The following NT5C2 variants were observed in gnomAD, a reference collection of about 807,000 sequenced individuals.
The protein encoded by NT5C2 is cytosolic purine 5'-nucleotidase.
NT5C2 carries 58 observed loss-of-function variants against 76.1 expected under a neutral mutation model. That is an observed-to-expected ratio of 0.76 (90% confidence interval 0.62 to 0.95). NT5C2 has a LOEUF of 0.95. Ranked by LOEUF, NT5C2 falls within the 40% of genes least tolerant of loss-of-function variation. The pLI is 0.00. For missense variants in NT5C2, 478 were observed against 690.3 expected (o/e 0.69, Z 3.45); for synonymous variants, 229 against 237.4 (o/e 0.96, Z 0.32).
intron 10 of NT5C2, 39 bp from the exon 11 acceptor site, chr10:103,097,413 T>C: frequency 4.0e-6 from 6 of 1,518,222 alleles, no homozygotes; most frequent in Non-Finnish European, 5.5e-6. Flanking sequence ...CACGAAAACA[T>C]TTTTATCTTT....
intron 3 of NT5C2, among the ~76,000 whole-genome samples, chr10:103,160,992 C>A (rs936601819): frequency 1.3e-5 from 2 of 151,802 alleles, no homozygotes; most frequent in African/African-American, 4.8e-5. Context: ...AGCCTGGCGA[C>A]AGCAAGACTC....
At chr10:103,140,976 CT>C (rs938167090) in intron 3 of NT5C2, among the ~76,000 whole-genome samples, 2 of 152,110 alleles carry the variant, frequency 1.3e-5, no homozygotes, top group African/African-American at 4.8e-5. Context: ...CATAGGCTGC[CT>C]TTTTGTTTCT....
intron 3 of NT5C2, among the ~76,000 whole-genome samples, chr10:103,163,488 C>G (rs1460889848): frequency 6.6e-6 from 1 of 152,076 alleles, no homozygotes; most frequent in African/African-American, 2.4e-5. Flanking sequence ...GGCATATATA[C>G]AGTTGCTTTA....
intron 3 of NT5C2, among the ~76,000 whole-genome samples, chr10:103,171,118 A>C (rs557795356): frequency 3.3e-5 from 5 of 152,260 alleles, no homozygotes; most frequent in Non-Finnish European, 5.9e-5. Context: ...AGGAATCTTT[A>C]ATGTTTTCAC....
At chr10:103,134,226 G>T (rs908991846) in intron 4 of NT5C2, among the ~76,000 whole-genome samples, 6 of 152,040 alleles carry the variant, frequency 3.9e-5, no homozygotes, top group Admixed American at 2.0e-4. Flanking sequence ...TGTCTCCAGG[G>T]CATGTCAGAA....
chr10:103,105,060 CAA>C (rs560199874), intron 6 of NT5C2, among the ~76,000 whole-genome samples: 72 of 151,830 alleles, frequency 4.7e-4, no homozygotes, highest in Non-Finnish European at 9.1e-4. Flanking sequence ...GGACATTTCA[CAA>C]AAAAATAGTA....
intron 3 of NT5C2, among the ~76,000 whole-genome samples, chr10:103,167,565 C>CT: frequency 6.6e-6 from 1 of 152,112 alleles, no homozygotes; most frequent in South Asian, 2.1e-4. Context: ...CTGGCAGTCT[C>CT]TATCTACATA....
intron 16 of NT5C2, 23 bp from the exon 17 acceptor site, chr10:103,091,019 G>GTGAA: frequency 6.2e-7 from 1 of 1,606,556 alleles, no homozygotes; most frequent in Non-Finnish European, 8.5e-7. Context: ...GAAAAACTCA[G>GTGAA]TGAAAATCTC....
intron 2 of NT5C2, chr10:103,175,880 C>T (rs2089795205): frequency 6.3e-6 from 1 of 157,982 alleles, no homozygotes; most frequent in African/African-American, 2.4e-5. Context: ...GGCAGTTCTT[C>T]TGCCTCTCAG....
chr10:103,161,454 T>C (rs1273388968), intron 3 of NT5C2, among the ~76,000 whole-genome samples: 1 of 152,186 alleles, frequency 6.6e-6, no homozygotes, highest in Admixed American at 6.5e-5. Flanking sequence ...AGTGCTGGGA[T>C]TACAGGCATC....
chr10:103,094,632 C>T, intron 12 of NT5C2, 177 bp from the exon 13 acceptor site: 1 of 551,370 alleles, frequency 1.8e-6, no homozygotes, highest in Admixed American at 3.1e-5. Flanking sequence ...ACCTGTAATC[C>T]CAGTACTTTG....
At chr10:103,099,782 T>C (rs2069089883) in intron 9 of NT5C2, 144 bp downstream of exon 9, 2 of 540,892 alleles carry the variant, frequency 3.7e-6, no homozygotes, top group Admixed American at 3.2e-5. Flanking sequence ...AACAAATGTA[T>C]TCTAGAGGGC....
At chr10:103,168,576 C>T (rs1015620604) in intron 3 of NT5C2, among the ~76,000 whole-genome samples, 3 of 152,188 alleles carry the variant, frequency 2.0e-5, no homozygotes, top group African/African-American at 7.2e-5. Flanking sequence ...AGCAGCTCAG[C>T]TTGTCTTCTA....
intron 1 of NT5C2, among the ~76,000 whole-genome samples, chr10:103,183,258 G>T (rs1358351769): frequency 2.1e-5 from 1 of 48,520 alleles, no homozygotes; most frequent in Non-Finnish European, 3.6e-5. Flanking sequence ...ATATGTGTGT[G>T]TGTGATATAT....
rs937160599 is a variant in NT5C2, at chr10:103,142,153, G to C, written c.102-2674C>G. On this transcript the variant is annotated intron_variant, in intron 3 of 18. Coordinates refer to ENST00000404739, the MANE Select transcript of NT5C2 (RefSeq NM_001351169.2). ...AAGAGGTTTTCCAGGGGGCAAGGAT[G>C]GGGGAAGGAGCAATAAAAGCTATGA... Among the ~76,000 whole-genome samples the C allele has an allele frequency of 2.6e-5, 4 of 151,800 alleles. No individual in the cohort carries two copies. In the South Asian group the frequency reaches 8.3e-4, roughly 32 times the overall value.
At chr10:103,183,072 G>C (rs1448587214) in intron 1 of NT5C2, among the ~76,000 whole-genome samples, 1 of 151,836 alleles carries the variant, frequency 6.6e-6, no homozygotes, top group African/African-American at 2.4e-5. Flanking sequence ...AAAGTCAGAT[G>C]CAAGTTTACT....
intron 3 of NT5C2, among the ~76,000 whole-genome samples, chr10:103,144,360 GAAGA>G (rs1207911918): frequency 6.6e-6 from 1 of 152,192 alleles, no homozygotes; most frequent in Non-Finnish European, 1.5e-5. Flanking sequence ...TACTCTCATA[GAAGA>G]AAGATGCTAG....
intron 3 of NT5C2, among the ~76,000 whole-genome samples, chr10:103,174,068 C>A (rs1057273987): frequency 1.9e-4 from 29 of 149,822 alleles, no homozygotes; most frequent in African/African-American, 6.7e-4. Context: ...TGCATTCCAG[C>A]CTAGGCGACA....
At chr10:103,165,889 C>T (rs2086250686) in intron 3 of NT5C2, among the ~76,000 whole-genome samples, 1 of 152,068 alleles carries the variant, frequency 6.6e-6, no homozygotes, top group Non-Finnish European at 1.5e-5. Context: ...AGGCTAGTCT[C>T]GAACTCCCAA....
Sources: gnomAD v4.1 joint callset for allele counts (sites outside exome capture counted in the v4.1 genomes callset) on GRCh38, gnomAD v4.1.1 for gene constraint, MANE v1.5 for transcripts, NCBI Gene and HGNC (gene_info 2026-07-23, HGNC 2026-07-21) for gene names.